Variants in CALN1 observed in about 807,000 individuals in gnomAD.
CALN1 encodes calcium-binding protein 8.
A neutral mutation model predicts 30.6 loss-of-function variants in CALN1; 17 were observed. The observed-to-expected ratio is 0.56, with a 90% CI of 0.38 to 0.83. The LOEUF is 0.83. Ranked by LOEUF, CALN1 falls within the 40% of genes least tolerant of loss-of-function variation. CALN1 has a pLI of 0.00. For synonymous variants in CALN1, 156 were observed against 131.4 expected (o/e 1.19, Z -1.28); for missense variants, 291 against 354.9 (o/e 0.82, Z 1.45).
intron 3 of CALN1, among the ~76,000 whole-genome samples, chr7:72,221,533 A>G (rs1793302211): frequency 6.6e-6 from 1 of 152,168 alleles, no homozygotes; most frequent in East Asian, 1.9e-4. Flanking sequence ...AAAGACAAGC[A>G]AAGATTTGTT....
At chr7:71,979,819 G>A (rs1331888380) in intron 5 of CALN1, among the ~76,000 whole-genome samples, 1 of 151,420 alleles carries the variant, frequency 6.6e-6, no homozygotes, top group African/African-American at 2.4e-5. Context: ...AACCATGGCA[G>A]GTCACTGGTT....
chr7:72,252,408 TG>T (rs1795622515), intron 3 of CALN1, among the ~76,000 whole-genome samples: 1 of 152,090 alleles, frequency 6.6e-6, no homozygotes, highest in Non-Finnish European at 1.5e-5. Flanking sequence ...GAGGCCAACC[TG>T]GGCAACATGG....
At chr7:72,039,017 C>T (rs575710031) in intron 4 of CALN1, among the ~76,000 whole-genome samples, 4 of 152,272 alleles carry the variant, frequency 2.6e-5, no homozygotes, top group African/African-American at 7.2e-5. Flanking sequence ...AAGTGAGATC[C>T]AAGAACCATC....
chr7:72,278,929 T>G, intron 2 of CALN1, 119 bp from the exon 3 acceptor site: 1 of 1,344,264 alleles, frequency 7.4e-7, no homozygotes, highest in South Asian at 1.4e-5. Flanking sequence ...ATAGCAGTAA[T>G]ATTTCTAGTG....
At chr7:71,953,358 T>C (rs918299850) in intron 5 of CALN1, among the ~76,000 whole-genome samples, 3 of 152,174 alleles carry the variant, frequency 2.0e-5, no homozygotes, top group African/African-American at 7.2e-5. Context: ...TTCCCTGCAC[T>C]ATTTAAGTAG....
intron 5 of CALN1, among the ~76,000 whole-genome samples, chr7:71,838,365 T>C (rs547957837): frequency 2.6e-5 from 4 of 152,214 alleles, no homozygotes; most frequent in Non-Finnish European, 5.9e-5. Context: ...TTTGGCATTG[T>C]CCTCTAACAT....
At chr7:72,066,927 A>G (rs1804061747) in intron 4 of CALN1, among the ~76,000 whole-genome samples, 1 of 151,896 alleles carries the variant, frequency 6.6e-6, no homozygotes, top group African/African-American at 2.4e-5. Context: ...GATTACAGGC[A>G]CGTGCCACCA....
chr7:72,278,299 C>G (rs1562830035), intron 3 of CALN1, among the ~76,000 whole-genome samples: 1 of 152,172 alleles, frequency 6.6e-6, no homozygotes, highest in Non-Finnish European at 1.5e-5. Flanking sequence ...GCTTAAACCT[C>G]CCCTGCAGAT....
intron 5 of CALN1, among the ~76,000 whole-genome samples, chr7:71,834,222 A>AC (rs1789466038): frequency 7.2e-6 from 1 of 139,326 alleles, no homozygotes; most frequent in African/African-American, 2.6e-5. Context: ...CATCTCAAAA[A>AC]AAAAAAAAAA....
chr7:72,156,275 A>G (rs989251697), intron 3 of CALN1, among the ~76,000 whole-genome samples: 4 of 152,178 alleles, frequency 2.6e-5, no homozygotes, highest in African/African-American at 9.7e-5. Context: ...TCCTAAGGAA[A>G]CCAAGCAATA....
At chr7:72,061,009 C>T (rs983641816) in intron 4 of CALN1, among the ~76,000 whole-genome samples, 8 of 152,298 alleles carry the variant, frequency 5.3e-5, no homozygotes, top group South Asian at 4.1e-4. Context: ...TACACAGCTC[C>T]CAGAATGGCC....
At chr7:72,150,074 G>C (rs960157594) in intron 3 of CALN1, among the ~76,000 whole-genome samples, 4 of 149,456 alleles carry the variant, frequency 2.7e-5, no homozygotes, top group African/African-American at 9.9e-5. Context: ...GCAATGAGCC[G>C]AGATCGTGCC....
chr7:72,446,072 A>T (rs1365016616), intron 1 of CALN1, among the ~76,000 whole-genome samples: 2 of 151,576 alleles, frequency 1.3e-5, no homozygotes, highest in African/African-American at 4.9e-5. Flanking sequence ...TGCCCCCGGG[A>T]CCCCCAGAGA....
intron 5 of CALN1, among the ~76,000 whole-genome samples, chr7:71,853,823 G>A (rs1240565241): frequency 2.0e-5 from 3 of 151,968 alleles, no homozygotes; most frequent in Non-Finnish European, 2.9e-5. Flanking sequence ...CAGGTAATCC[G>A]CCCACCTCGG....
At chr7:71,851,253 A>ACAC (rs1554354853) in intron 5 of CALN1, among the ~76,000 whole-genome samples, 1 of 141,504 alleles carries the variant, frequency 7.1e-6, no homozygotes, top group African/African-American at 2.6e-5. Context: ...ACACACACAC[A>ACAC]TCACACATAT....
chr7:72,016,206 G>A (rs1463154853), intron 5 of CALN1, among the ~76,000 whole-genome samples: 7 of 133,800 alleles, frequency 5.2e-5, no homozygotes, highest in East Asian at 2.3e-4. Context: ...CTGAGATTGC[G>A]CCCCTGCACT....
At chr7:72,048,670 C>T (rs1436425665) in intron 4 of CALN1, among the ~76,000 whole-genome samples, 1 of 150,920 alleles carries the variant, frequency 6.6e-6, no homozygotes, top group Non-Finnish European at 1.5e-5. Flanking sequence ...CCCTCCCTTC[C>T]CTCCTTCCTT....
intron 1 of CALN1, among the ~76,000 whole-genome samples, chr7:72,404,034 C>T (rs578179777): frequency 6.6e-6 from 1 of 152,262 alleles, no homozygotes; most frequent in African/African-American, 2.4e-5. Context: ...CATATGGAAT[C>T]TCTAGGTCCA....
At chr7:72,461,559 A>C in the CALN1 span, among the ~76,000 whole-genome samples, 10 of 152,226 alleles carry the variant, frequency 6.6e-5, no homozygotes, top group African/African-American at 2.2e-4. Flanking sequence ...GCAGAAACAA[A>C]CAACCAAAAA....
Sources: gnomAD v4.1 joint callset for allele counts (sites outside exome capture counted in the v4.1 genomes callset) on GRCh38, gnomAD v4.1.1 for gene constraint, MANE v1.5 for transcripts, NCBI Gene and HGNC (gene_info 2026-07-23, HGNC 2026-07-21) for gene names.